The following TET3 variants were observed in gnomAD, a reference collection of about 807,000 sequenced individuals.
TET3 encodes tet methylcytosine dioxygenase 3, also known as methylcytosine dioxygenase TET3.
Under a neutral mutation model 141.4 loss-of-function variants are expected in TET3, and 19 were observed. The observed-to-expected ratio is 0.13, with a 90% CI of 0.09 to 0.20. The LOEUF is 0.20. TET3 is among the 10% of genes least tolerant of loss of function. The probability of loss-of-function intolerance (pLI) is 1.00; values close to 1 mark genes in which losing one functional copy is unlikely to be tolerated. For synonymous variants in TET3, 1,043 were observed against 980.9 expected (o/e 1.06, Z -1.18); for missense variants, 1,874 against 2,356.9 (o/e 0.80, Z 4.24).
At position 74,007,371 on chromosome 2, in the gene TET3, G is replaced by A. The variant is rs149905701; in HGVS notation, c.360+4205G>A. On this transcript the variant is annotated intron_variant, in intron 3 of 11. Coordinates refer to ENST00000409262, the MANE Select transcript of TET3 (RefSeq NM_001287491.2). Reference sequence around the variant, plus strand: ...GTTTTCAATTAAGTCATTGTTTCCCGGATCTAGCAATGACAGAGGAGGGCA... The same window carrying A: ...GTTTTCAATTAAGTCATTGTTTCCCAGATCTAGCAATGACAGAGGAGGGCA... Among the ~76,000 whole-genome samples, 1,209 of 152,270 alleles carry A rather than the reference G, an allele frequency of 7.9e-3. 14 individuals are homozygous for A. Among genetic ancestry groups the A allele is most frequent in the African/African-American group, 0.027 (1,132 of 41,542 alleles).
intron 11 of TET3, among the ~76,000 whole-genome samples, chr2:74,100,148 G>T (rs918392475): frequency 1.3e-5 from 2 of 152,146 alleles, no homozygotes; most frequent in Non-Finnish European, 2.9e-5. Context: ...CCCCGCATGA[G>T]GTGCTTCTCA....
chr2:74,073,857 C>G, intron 5 of TET3: 1 of 439,476 alleles, frequency 2.3e-6, no homozygotes, highest in Non-Finnish European at 4.1e-6. Context: ...CCCTGCTTCT[C>G]TCTGTCTTGA....
At chr2:74,109,477 T>A (rs1691650564), downstream of TET3, among the ~76,000 whole-genome samples, 1 of 152,276 alleles carries the variant, frequency 6.6e-6, no homozygotes. Flanking sequence ...TGCCTAGCAA[T>A]GTTTTTAGTA....
At chr2:74,128,433 A>T in the TET3 span, among the ~76,000 whole-genome samples, 1 of 152,214 alleles carries the variant, frequency 6.6e-6, no homozygotes, top group African/African-American at 2.4e-5. Flanking sequence ...GGACATGATG[A>T]CTAAATGTAA....
At chr2:74,094,609 G>A (rs1690699151) in intron 10 of TET3, among the ~76,000 whole-genome samples, 2 of 152,162 alleles carry the variant, frequency 1.3e-5, no homozygotes, top group Non-Finnish European at 2.9e-5. Context: ...AGGAGGCGAA[G>A]GAGGAGGCTG....
chr2:74,135,460 T>A, the TET3 span: 3 of 1,294,292 alleles, frequency 2.3e-6, no homozygotes, highest in South Asian at 2.4e-5. Context: ...AGATTATACA[T>A]CTTCTATAAT....
chr2:74,093,392 A>G lies in TET3; in HGVS notation c.3130-137A>G. On this transcript the variant is annotated intron_variant, in intron 9 of 11. Coordinates refer to ENST00000409262, the MANE Select transcript of TET3 (RefSeq NM_001287491.2). The surrounding 1 kb of genome is among the most constrained non-coding windows in gnomAD (Gnocchi z 4.2). ...GTAGCTGGGGCCTCTCAGCCAGAAA[A>G]CCTCCCTCCTGCAGTCGAAGGGCAA... 1 of 1,203,500 alleles carries G rather than the reference A, an allele frequency of 8.3e-7. No homozygotes were observed. Among genetic ancestry groups the G allele is most frequent in the African/African-American group, 1.6e-5 (1 of 64,406 alleles). The allele number at this position is 1,203,500 out of a possible 1,614,324, so 74.6% of individuals were successfully genotyped here. A position where few individuals can be genotyped will look rare whatever the true frequency, so the allele number is the denominator to read the frequency against.
chr2:74,099,685 A>C (rs1276717537), intron 11 of TET3, 73 bp downstream of exon 11: 2 of 1,393,512 alleles, frequency 1.4e-6, no homozygotes, highest in South Asian at 1.4e-5. Context: ...TCTTCCACGC[A>C]CCCTCCTGCA....
chr2:73,994,634 C>CTTTTTTTTTTTTT (rs1433899024), intron 2 of TET3, among the ~76,000 whole-genome samples: 1 of 106,376 alleles, frequency 9.4e-6, no homozygotes, highest in African/African-American at 5.4e-5. Flanking sequence ...TTCTTTCTTT[C>CTTTTTTTTTTTTT]TTTCTTTTTT....
At chr2:74,042,959 C>T (rs998920736) in intron 3 of TET3, among the ~76,000 whole-genome samples, 1 of 152,154 alleles carries the variant, frequency 6.6e-6, no homozygotes, top group Non-Finnish European at 1.5e-5. Context: ...ATTTTCCTTC[C>T]CAGGGAATTC....
chr2:74,126,633 C>G, the TET3 span, among the ~76,000 whole-genome samples: 1 of 151,534 alleles, frequency 6.6e-6, no homozygotes, highest in Admixed American at 6.6e-5. Flanking sequence ...TCCCACGTAG[C>G]TGGGACTACA....
At chr2:74,073,751 A>T in intron 5 of TET3, 112 bp downstream of exon 5, 1 of 812,338 alleles carries the variant, frequency 1.2e-6, no homozygotes. Context: ...CAGAAAGGAA[A>T]CCCTGATAAC....
At chr2:74,132,879 TTTTTC>T in the TET3 span, among the ~76,000 whole-genome samples, 2 of 151,948 alleles carry the variant, frequency 1.3e-5, no homozygotes, top group Admixed American at 6.6e-5. Flanking sequence ...AATTTGGCTC[TTTTTC>T]TTTTCTTTTT....
chr2:74,001,164 G>A (rs1205455945), intron 2 of TET3, among the ~76,000 whole-genome samples: 1 of 152,166 alleles, frequency 6.6e-6, no homozygotes, highest in Non-Finnish European at 1.5e-5. Flanking sequence ...AGGCAGGTAT[G>A]GGCCCTGATG....
rs1400294630 is a variant in TET3, at chr2:73,985,106, G to A, written c.-476G>A. 3 of 147,528 alleles carry A rather than the reference G, an allele frequency of 2.0e-5. No individual in the cohort carries two copies. The highest frequency in any genetic ancestry group is 3.5e-4 in the South Asian group (2 of 5,652). The allele number at this position is 147,528 out of a possible 1,614,324, so 9.1% of individuals were successfully genotyped here. On this transcript the variant is annotated 5_prime_UTR_variant, in exon 1 of 12. Coordinates refer to ENST00000409262, the MANE Select transcript of TET3 (RefSeq NM_001287491.2). ...GCGACGGTGGTGGCGGCGGCGGCGC[G>A]GGCCGGGAAACTTTGCCCCTTTGTG...
In TET3 at chr2:74,003,173, TGTGTGTGTGC is replaced by T. The variant is rs1057226330; in HGVS notation, c.360+11_360+20del. 15 of 1,547,338 alleles carry T rather than the reference TGTGTGTGTGC, an allele frequency of 9.7e-6. No homozygotes were observed. In the African/African-American group the frequency reaches 1.4e-4, roughly 14 times the overall value. ...ACAAGGAGCGGCTGTCAAGGTACCT[TGTGTGTGTGC>T]GTGCGTGTGTGTGCGTGTGTGTGGT... On this transcript the variant is annotated splice_region_variant and intron_variant, in intron 3 of 11. Transcript: ENST00000409262.
At chr2:73,996,076 G>A (rs1281813222) in intron 2 of TET3, among the ~76,000 whole-genome samples, 1 of 152,152 alleles carries the variant, frequency 6.6e-6, no homozygotes, top group African/African-American at 2.4e-5. Flanking sequence ...CTGTGTTCAT[G>A]TTGACTTCCA....
At chr2:74,001,135 GC>G (rs1684829379) in intron 2 of TET3, among the ~76,000 whole-genome samples, 1 of 152,156 alleles carries the variant, frequency 6.6e-6, no homozygotes, top group Admixed American at 6.5e-5. Context: ...CTCCCTCCCT[GC>G]CCTGTGTTCC....
chr2:74,067,533 T>C (rs1196236395), intron 4 of TET3, among the ~76,000 whole-genome samples: 2 of 152,260 alleles, frequency 1.3e-5, no homozygotes, highest in Admixed American at 1.3e-4. Flanking sequence ...CAGTATTTGT[T>C]ATTCTGTGCT....
Sources: gnomAD v4.1 joint callset for allele counts (sites outside exome capture counted in the v4.1 genomes callset) on GRCh38, gnomAD v4.1.1 for gene constraint, Gnocchi (gnomAD v3.1) non-coding constraint, MANE v1.5 for transcripts, NCBI Gene and HGNC (gene_info 2026-07-23, HGNC 2026-07-21) for gene names.